The following PPP1R21 variants were observed in gnomAD, a reference collection of about 807,000 sequenced individuals.
PPP1R21 encodes KLRAQ motif containing 1.
PPP1R21 carries 85 observed loss-of-function variants against 112.8 expected under a neutral mutation model. That is an observed-to-expected ratio of 0.75 (90% CI 0.63 to 0.90). PPP1R21 has a LOEUF of 0.90. Among genes scored for constraint, PPP1R21 ranks in the 40% least tolerant of loss-of-function variants. The pLI is 0.00. For synonymous variants in PPP1R21, 381 were observed against 322.3 expected, an observed-to-expected ratio of 1.18 and a Z score of -1.95; for missense variants, 1,199 against 901.5, an observed-to-expected ratio of 1.33 and a Z score of -4.23.
In PPP1R21 at chr2:48,454,679, A is replaced by G; in HGVS notation, c.211A>G (p.Lys71Glu). The G allele has an allele frequency of 2.5e-6, 4 of 1,614,178 alleles. No individual in the cohort carries two copies. The highest frequency in any genetic ancestry group is 3.4e-6 in the Non-Finnish European group (4 of 1,180,008). ...SLTFRNLQLA[K>E]RVELLQDELA... ...GACATTTCGAAATCTGCAGCTTGCC[A>G]AGAGGGTAGAACTACTTCAAGATGA... is the stretch of plus-strand genomic sequence containing the variant. Residue 71 changes from lysine (K) to glutamate (E), a missense_variant, in exon 3 of 22, where the codon AAG becomes GAG. Coordinates refer to ENST00000294952, the MANE Select transcript of PPP1R21 (RefSeq NM_001135629.3).
At chr2:48,489,601 A>G (rs1451093292) in intron 14 of PPP1R21, among the ~76,000 whole-genome samples, 1 of 151,802 alleles carries the variant, frequency 6.6e-6, no homozygotes, top group East Asian at 2.0e-4. Flanking sequence ...CAGCCTCTCA[A>G]AGTGTTGGGA....
At chr2:48,503,541 A>T (rs1288165656) in intron 17 of PPP1R21, among the ~76,000 whole-genome samples, 4 of 152,240 alleles carry the variant, frequency 2.6e-5, no homozygotes, top group African/African-American at 9.6e-5. Context: ...GAAGGCATGA[A>T]TATTTTCAAA....
At chr2:48,489,859 C>T (rs939773358) in intron 14 of PPP1R21, among the ~76,000 whole-genome samples, 1 of 152,010 alleles carries the variant, frequency 6.6e-6, no homozygotes, top group Non-Finnish European at 1.5e-5. Flanking sequence ...GCCTGGCCAA[C>T]ATGGTGAAAC....
intron 14 of PPP1R21, among the ~76,000 whole-genome samples, 156 bp from the exon 15 acceptor site, chr2:48,490,862 C>A (rs536473114): frequency 3.3e-5 from 5 of 152,252 alleles, no homozygotes; most frequent in Admixed American, 3.3e-4. Flanking sequence ...CCTAGGTATT[C>A]TCAAATAAAT....
At chr2:48,491,362 G>A (rs965379321) in intron 15 of PPP1R21, among the ~76,000 whole-genome samples, 192 bp downstream of exon 15, 5 of 152,078 alleles carry the variant, frequency 3.3e-5, no homozygotes, top group Non-Finnish European at 5.9e-5. Flanking sequence ...GAGAAGCAGC[G>A]TTGCCTATAT....
chr2:48,482,180 A>T (rs2103899713), intron 13 of PPP1R21, among the ~76,000 whole-genome samples: 1 of 152,340 alleles, frequency 6.6e-6, no homozygotes, highest in East Asian at 1.9e-4. Flanking sequence ...TCCTACATGG[A>T]ATTAAAACAG....
intron 17 of PPP1R21, 23 bp downstream of exon 17, chr2:48,498,758 T>G: frequency 6.2e-7 from 1 of 1,607,992 alleles, no homozygotes; most frequent in South Asian, 1.1e-5. Flanking sequence ...TTGGTTGTCC[T>G]CAGTTTTCTT....
chr2:48,500,348 A>G (rs976603893), intron 17 of PPP1R21, among the ~76,000 whole-genome samples: 8 of 152,150 alleles, frequency 5.3e-5, no homozygotes. Flanking sequence ...CAGGCATGCT[A>G]GCAATTATTG....
At chr2:48,444,051 CCAAA>C (rs1558408280) in intron 1 of PPP1R21, among the ~76,000 whole-genome samples, 4 of 151,412 alleles carry the variant, frequency 2.6e-5, no homozygotes, top group South Asian at 4.2e-4. Flanking sequence ...AAAAAAAAAA[CCAAA>C]CAAACAGTGG....
chr2:48,471,044 A>G (rs766719720), intron 9 of PPP1R21, 43 bp from the exon 10 acceptor site: 1 of 1,336,066 alleles, frequency 7.5e-7, no homozygotes, highest in Non-Finnish European at 1.1e-6. Context: ...GATGTTTGTT[A>G]TTTTCCAGTG....
At chr2:48,495,833 A>T in intron 16 of PPP1R21, 62 bp downstream of exon 16, 1 of 935,898 alleles carries the variant, frequency 1.1e-6, no homozygotes, top group Non-Finnish European at 1.8e-6. Context: ...CCCCCATAGA[A>T]AGTTTTTAAG....
At chr2:48,494,397 T>G (rs1043255187) in intron 15 of PPP1R21, among the ~76,000 whole-genome samples, 2 of 146,898 alleles carry the variant, frequency 1.4e-5, no homozygotes, top group African/African-American at 5.1e-5. Flanking sequence ...TCATCTAACA[T>G]AAAGCCTATT....
At chr2:48,450,226 T>C (rs1350060732) in intron 1 of PPP1R21, among the ~76,000 whole-genome samples, 1 of 152,234 alleles carries the variant, frequency 6.6e-6, no homozygotes, top group Admixed American at 6.5e-5. Flanking sequence ...ATTGGCATTA[T>C]GACTTTGGAG....
chr2:48,455,825 T>TA (rs1181988934), intron 3 of PPP1R21, among the ~76,000 whole-genome samples: 1 of 151,822 alleles, frequency 6.6e-6, no homozygotes, highest in Non-Finnish European at 1.5e-5. Context: ...CCATCCTGGC[T>TA]AACATGGTGA....
At chr2:48,449,316 A>C (rs946893427) in intron 1 of PPP1R21, among the ~76,000 whole-genome samples, 3 of 152,198 alleles carry the variant, frequency 2.0e-5, no homozygotes, top group Non-Finnish European at 4.4e-5. Flanking sequence ...GCCTCAGAAG[A>C]AGGAAGGTAG....
chr2:48,474,646 T>G (rs1249366734), intron 11 of PPP1R21, 37 bp from the exon 12 acceptor site: 1 of 1,574,660 alleles, frequency 6.4e-7, no homozygotes, highest in Non-Finnish European at 8.6e-7. Context: ...GAAAATCGTT[T>G]GGGATGCTCA....
intron 12 of PPP1R21, chr2:48,479,672 T>G (rs922481813): frequency 1.6e-6 from 1 of 610,422 alleles, no homozygotes; most frequent in African/African-American, 1.8e-5. Context: ...CATGACAGAC[T>G]TAATCCTGCT....
At chr2:48,514,663 G>A (rs1670793812) in intron 21 of PPP1R21, 52 bp from the exon 22 acceptor site, 3 of 1,338,122 alleles carry the variant, frequency 2.2e-6, no homozygotes, top group Non-Finnish European at 3.2e-6. Context: ...AACTATGTGA[G>A]TTATTTTTTT....
intron 19 of PPP1R21, 138 bp from the exon 20 acceptor site, chr2:48,509,877 C>G (rs568991656): frequency 3.5e-6 from 2 of 574,678 alleles, no homozygotes; most frequent in Admixed American, 6.0e-5. Flanking sequence ...GACACAATGC[C>G]TATAGGTATT....
Sources: allele counts gnomAD v4.1 joint callset (sites outside exome capture counted in the v4.1 genomes callset), GRCh38; gene constraint gnomAD v4.1.1; transcripts MANE v1.5; gene names NCBI Gene and HGNC (gene_info 2026-07-23, HGNC 2026-07-21).